The following CMSS1 variants were observed in gnomAD, a reference collection of about 807,000 sequenced individuals.
CMSS1 encodes the protein cms1 ribosomal small subunit homolog, also known as protein CMSS1.
CMSS1 carries 33 observed loss-of-function variants against 43.5 expected under a neutral mutation model. That is an observed-to-expected ratio of 0.76 (90% CI 0.57 to 1.01). The LOEUF (loss-of-function observed/expected upper bound fraction) is 1.01, where lower values mean the gene tolerates loss of function less well. Among genes scored for constraint, CMSS1 ranks in the 50% least tolerant of loss-of-function variants. CMSS1 has a pLI of 0.00. For missense variants in CMSS1, 313 were observed against 326.4 expected (o/e 0.96, Z 0.32); for synonymous variants, 115 against 117.2 (o/e 0.98, Z 0.12).
chr3:99,952,662 A>G (rs1708211056), intron 1 of CMSS1, among the ~76,000 whole-genome samples: 1 of 152,214 alleles, frequency 6.6e-6, no homozygotes, highest in South Asian at 2.1e-4. Flanking sequence ...AGCACTGTTC[A>G]AGAAGCATGA....
chr3:100,178,250 C>T (rs2067163973), intron 9 of CMSS1, 55 bp from the exon 10 acceptor site: 2 of 1,106,306 alleles, frequency 1.8e-6, no homozygotes, highest in Non-Finnish European at 2.8e-6. Flanking sequence ...ATGTATTCAC[C>T]AAGACCATTT....
At chr3:100,077,002 C>T (rs544366976) in intron 1 of CMSS1, among the ~76,000 whole-genome samples, 1 of 152,352 alleles carries the variant, frequency 6.6e-6, no homozygotes, top group East Asian at 1.9e-4. Context: ...TCAAAACTCT[C>T]ATTTAATTAG....
At chr3:99,983,482 A>G (rs371944286) in intron 1 of CMSS1, among the ~76,000 whole-genome samples, 762 of 21,362 alleles carry the variant, frequency 0.036, 48 homozygotes, top group African/African-American at 0.1. Flanking sequence ...ATATATATAT[A>G]TATATATATA....
chr3:100,087,483 T>A (rs2066030291), intron 1 of CMSS1, among the ~76,000 whole-genome samples: 1 of 152,230 alleles, frequency 6.6e-6, no homozygotes, highest in African/African-American at 2.4e-5. Context: ...CCACAATGAC[T>A]AATGGTGTTG....
intron 1 of CMSS1, among the ~76,000 whole-genome samples, chr3:100,120,433 T>A (rs762443286): frequency 1.1e-4 from 17 of 152,206 alleles, no homozygotes; most frequent in Non-Finnish European, 2.1e-4. Flanking sequence ...AAAAGATTCC[T>A]TTTGCACAGG....
chr3:100,040,487 T>C (rs532452824), intron 1 of CMSS1: 43 of 152,344 alleles, frequency 2.8e-4, no homozygotes, highest in African/African-American at 1.0e-3. Context: ...CATCTGCACA[T>C]TTTCCCAGCA....
intron 1 of CMSS1, among the ~76,000 whole-genome samples, chr3:99,986,113 T>C (rs1460395699): frequency 1.3e-5 from 2 of 152,198 alleles, no homozygotes. Flanking sequence ...TTCATTGTTA[T>C]AAGAGGAAAA....
chr3:100,128,420 A>G (rs1040540119), intron 1 of CMSS1, among the ~76,000 whole-genome samples: 2 of 152,236 alleles, frequency 1.3e-5, no homozygotes, highest in East Asian at 1.9e-4. Flanking sequence ...TTAAAAATAA[A>G]CATAACATAT....
At chr3:100,144,196 A>G (rs2066828326) in intron 1 of CMSS1, among the ~76,000 whole-genome samples, 1 of 152,010 alleles carries the variant, frequency 6.6e-6, no homozygotes, top group African/African-American at 2.4e-5. Flanking sequence ...ACTTGAACAT[A>G]TTGTAGAAGC....
chr3:100,092,501 G>T (rs1360955974), intron 1 of CMSS1, among the ~76,000 whole-genome samples: 1 of 151,718 alleles, frequency 6.6e-6, no homozygotes, highest in Non-Finnish European at 1.5e-5. Context: ...ACAAATGGAA[G>T]TTAAGGTCTA....
At chr3:99,833,776 A>G (rs752735940) in intron 1 of CMSS1, among the ~76,000 whole-genome samples, 14 of 152,202 alleles carry the variant, frequency 9.2e-5, no homozygotes, top group Non-Finnish European at 1.9e-4. Context: ...TCATTTTGAT[A>G]TGTGGTAATT....
intron 1 of CMSS1, among the ~76,000 whole-genome samples, chr3:99,944,368 C>T (rs1490584943): frequency 6.6e-6 from 1 of 152,038 alleles, no homozygotes; most frequent in Admixed American, 6.6e-5. Flanking sequence ...ACAGCTGTTC[C>T]AAAAAAGATG....
In CMSS1 at chr3:99,827,302, G is replaced by A. The variant is rs559801402; in HGVS notation, c.64+9259G>A. ...TGCCTCCCAGACTCAAGCGATTCTC[G>A]TGCCTCAGCCTCCTGAGTAGCTGGG... On this transcript the variant is annotated intron_variant, in intron 1 of 9. Coordinates refer to ENST00000421999, the MANE Select transcript of CMSS1 (RefSeq NM_032359.4). Among the ~76,000 whole-genome samples the A allele has an allele frequency of 2.6e-5, 4 of 151,978 alleles. No individual in the cohort carries two copies. The East Asian group carries it at 5.8e-4, about 22-fold the overall frequency.
Position 100,068,654 on chromosome 3 carries a change from G to C in CMSS1, c.65-78319G>C, listed in dbSNP as rs557220604. ...TTGTTTTTTGTATTTTTGAGACTGA[G>C]TCTTGCTCTGTTACCCAGGCTGGAG... On this transcript the variant is annotated intron_variant, in intron 1 of 9. Transcript: ENST00000421999. Among the ~76,000 whole-genome samples the C allele has an allele frequency of 2.0e-4, 30 of 152,216 alleles. No individual in the cohort carries two copies. The South Asian group carries it at 2.5e-3, about 13-fold the overall frequency.
intron 1 of CMSS1, among the ~76,000 whole-genome samples, chr3:99,959,782 CAATT>C (rs1190979950): frequency 6.6e-6 from 1 of 152,090 alleles, no homozygotes; most frequent in Admixed American, 6.5e-5. Flanking sequence ...GTATAGAAAA[CAATT>C]AAAGGAAGGG....
At chr3:99,861,599 T>G (rs190271354) in intron 1 of CMSS1, among the ~76,000 whole-genome samples, 3 of 152,316 alleles carry the variant, frequency 2.0e-5, no homozygotes, top group African/African-American at 7.2e-5. Flanking sequence ...CTTGTCTGTT[T>G]GCCCAAGGTA....
At chr3:100,162,924 A>G (rs546952777) in intron 4 of CMSS1, among the ~76,000 whole-genome samples, 2 of 152,288 alleles carry the variant, frequency 1.3e-5, no homozygotes, top group East Asian at 3.9e-4. Flanking sequence ...ACAGTGAGCC[A>G]AGATGACGCC....
intron 1 of CMSS1, among the ~76,000 whole-genome samples, chr3:99,878,525 C>T (rs990123976): frequency 6.6e-6 from 1 of 152,152 alleles, no homozygotes; most frequent in Non-Finnish European, 1.5e-5. Context: ...ATAGTTTGTT[C>T]AGAATCTCTC....
chr3:99,833,070 G>C (rs1285914037), intron 1 of CMSS1: 1 of 658,108 alleles, frequency 1.5e-6, no homozygotes, highest in African/African-American at 1.9e-5. Context: ...GTTCTACTCA[G>C]AGTTGGAGGC....
Sources: gnomAD v4.1 joint callset for allele counts (sites outside exome capture counted in the v4.1 genomes callset) on GRCh38, gnomAD v4.1.1 for gene constraint, MANE v1.5 for transcripts, NCBI Gene and HGNC (gene_info 2026-07-23, HGNC 2026-07-21) for gene names.